IL15RA: variants seen among roughly 807,000 people sequenced by gnomAD.
IL15RA encodes the protein interleukin 15 receptor subunit alpha.
In IL15RA, 26 loss-of-function variants were observed where a neutral mutation model predicts 24.2. The observed-to-expected ratio is 1.07, with a 90% CI of 0.79 to 1.49. The LOEUF (loss-of-function observed/expected upper bound fraction) is 1.49. Among genes scored for constraint, IL15RA ranks in the 40% most tolerant of loss-of-function variants. The probability of loss-of-function intolerance (pLI) is 0.00; values close to 1 mark genes in which losing one functional copy is unlikely to be tolerated. For missense variants in IL15RA, 354 were observed against 356.4 expected, an observed-to-expected ratio of 0.99 and a Z score of 0.05; for synonymous variants, 166 against 157.6, an observed-to-expected ratio of 1.05 and a Z score of -0.40.
At chr10:5,956,310 C>T (rs756423497) in intron 6 of IL15RA, 69 bp downstream of exon 6, 37 of 1,296,190 alleles carry the variant, frequency 2.9e-5, no homozygotes, top group Middle Eastern at 1.8e-4. Context: ...CTACCGCGCC[C>T]GGCCAGGTGC....
chr10:5,966,881 A>G lies in IL15RA; in HGVS notation c.89-542T>C, dbSNP rs1245783937. The stretch of plus-strand genomic sequence containing the variant: ...CAGCTACTGGGGAGGCTGAGGCAGG[A>G]GAATTGCTTGAACCTGGGAGGCAGA... On this transcript the variant is annotated intron_variant, in intron 1 of 6. Coordinates refer to ENST00000379977, the MANE Select transcript of IL15RA (RefSeq NM_002189.4). The surrounding 1 kb of genome is among the most constrained non-coding windows in gnomAD (Gnocchi z 6.4). Among the ~76,000 whole-genome samples the G allele has an allele frequency of 6.6e-6, 1 of 151,972 alleles. No homozygotes were observed. The highest frequency in any genetic ancestry group is 2.4e-5 in the African/African-American group (1 of 41,400).
chr10:5,957,135 A>G (rs1834655467), intron 5 of IL15RA, among the ~76,000 whole-genome samples: 1 of 144,418 alleles, frequency 6.9e-6, no homozygotes, highest in African/African-American at 2.6e-5. Context: ...AATTTTTTGT[A>G]TTTTCAGTAG....
chr10:5,953,057 C>T lies in IL15RA; in HGVS notation c.*38G>A. ...GTCTTTAGCTAAAGCAGAGAGGCTC[C>T]TTCACTCCGGACTTAGCTGGGCTGG... On this transcript the variant is annotated 3_prime_UTR_variant, in exon 7 of 7. Transcript: ENST00000379977. This position sits in a 1 kb window ranked among gnomAD's most constrained non-coding sequence, Gnocchi z 5.3. 6.9e-7 allele frequency: 1 copy of T among 1,459,838 alleles called. No individual in the cohort carries two copies. Among genetic ancestry groups the T allele is most frequent in the Non-Finnish European group, 9.6e-7 (1 of 1,039,500 alleles). 90.4% of individuals were successfully genotyped at this position (1,459,838 alleles called of 1,614,324 possible).
In IL15RA at chr10:5,955,073, G is replaced by C. The variant is rs1167844385; in HGVS notation, c.692+1306C>G. 6.6e-6 allele frequency among the ~76,000 whole-genome samples: 1 copy of C among 151,190 alleles called. No individual in the cohort carries two copies. Among genetic ancestry groups the C allele is most frequent in the Non-Finnish European group, 1.5e-5 (1 of 67,858 alleles). ...TAGCATTTCATGGAATGTGCATTTT[G>C]TCAAAATTAGGCTCAAAGGGTCACA... On this transcript the variant is annotated intron_variant, in intron 6 of 6. Transcript: ENST00000379977. The surrounding 1 kb of genome is among the most constrained non-coding windows in gnomAD (Gnocchi z 5.3).
At position 5,968,159 on chromosome 10, in the gene IL15RA, T is replaced by C. The variant is rs1276160164; in HGVS notation, c.89-1820A>G. Among the ~76,000 whole-genome samples, 1 of 151,950 alleles carries C rather than the reference T, an allele frequency of 6.6e-6. No individual in the cohort carries two copies. Among genetic ancestry groups the C allele is most frequent in the African/African-American group, 2.4e-5 (1 of 41,308 alleles). ...AGAACCTTAGCACGGAGAGAATTCTTATAAAAATCAACACAAGACAAATAC... is the reference window on the plus strand; with the variant it reads ...AGAACCTTAGCACGGAGAGAATTCTCATAAAAATCAACACAAGACAAATAC... On this transcript the variant is annotated intron_variant, in intron 1 of 6. Transcript: ENST00000379977. This position sits in a 1 kb window ranked among gnomAD's most constrained non-coding sequence, Gnocchi z 5.4.
rs867176870 is a variant in IL15RA, at chr10:5,965,206, G to A, written c.283+939C>T. On this transcript the variant is annotated intron_variant, in intron 2 of 6. Transcript: ENST00000379977. This position sits in a 1 kb window ranked among gnomAD's most constrained non-coding sequence, Gnocchi z 5.8. ...GAGATGGTTTGGCTGCTTCTGGGAC[G>A]TTTATCCAGGTGCAGACAGTTAAAA... Among the ~76,000 whole-genome samples, 1 of 145,842 alleles carries A rather than the reference G, an allele frequency of 6.9e-6. No individual in the cohort carries two copies. Among genetic ancestry groups the A allele is most frequent in the African/African-American group, 2.5e-5 (1 of 39,708 alleles).
intron 5 of IL15RA, among the ~76,000 whole-genome samples, chr10:5,957,876 G>A (rs1006182487): frequency 2.0e-5 from 3 of 152,198 alleles, no homozygotes; most frequent in African/African-American, 4.8e-5. Flanking sequence ...ACAGGCATGA[G>A]CCACAGCGCC....
rs1169255625 is a variant in IL15RA at position 5,975,163 on chromosome 10, CA to C, written c.88+2241del. Among the ~76,000 whole-genome samples the C allele has an allele frequency of 1.3e-5, 2 of 151,720 alleles. No individual in the cohort carries two copies. The highest frequency in any genetic ancestry group is 4.1e-4 in the South Asian group (2 of 4,824). On this transcript the variant is annotated intron_variant, in intron 1 of 6. Coordinates refer to ENST00000379977, the MANE Select transcript of IL15RA (RefSeq NM_002189.4). The surrounding 1 kb of genome is among the most constrained non-coding windows in gnomAD (Gnocchi z 4.8). ...ATAGCAGCTTTCTTTGTAATAGTCC[CA>C]AACTGGAAACAACCCAAATGTCCCT...
Position 5,953,195 on chromosome 10 carries a change from G to C in IL15RA, c.704C>G (p.Pro235Arg), listed in dbSNP as rs147420996. Reference sequence around the variant, plus strand: ...GGCTTCCATTTCAACGCTGGCCAGCGGGGGAGTTTGCCTGCAAAGCAGGTG... The same window carrying C: ...GGCTTCCATTTCAACGCTGGCCAGCCGGGGAGTTTGCCTGCAAAGCAGGTG... ...ACYLKSRQTP[P>R]LASVEMEAME... The change falls in exon 7 of 7, where the codon CCG becomes CGG. Residue 235 changes from proline (P) to arginine (R), a missense_variant. Physicochemically the swap from Pro to Arg is moderately radical, Grantham distance 103. Coordinates refer to ENST00000379977, the MANE Select transcript of IL15RA (RefSeq NM_002189.4). This position sits in a 1 kb window ranked among gnomAD's most constrained non-coding sequence, Gnocchi z 5.3. The C allele has an allele frequency of 6.2e-7, 1 of 1,613,790 alleles. No homozygotes were observed. The highest frequency in any genetic ancestry group is 1.7e-5 in the Admixed American group (1 of 60,014).
upstream of IL15RA, among the ~76,000 whole-genome samples, chr10:5,978,477 T>C (rs1838774197): frequency 6.6e-6 from 1 of 152,244 alleles, no homozygotes; most frequent in South Asian, 2.1e-4. This position sits in a 1 kb window ranked among gnomAD's most constrained non-coding sequence, Gnocchi z 5.2. Flanking sequence ...AACGTGTTTA[T>C]GAGGCTTTTG....
At chr10:5,977,210 G>T (rs1838594365) in intron 1 of IL15RA, 195 bp downstream of exon 1, 3 of 357,140 alleles carry the variant, frequency 8.4e-6, no homozygotes, top group African/African-American at 2.1e-5. Flanking sequence ...CTCTCCCTGC[G>T]ACCCCGGCTC....
At position 5,966,628 on chromosome 10, in the gene IL15RA, T is replaced by C. The variant is rs1188902616; in HGVS notation, c.89-289A>G. Among the ~76,000 whole-genome samples the C allele has an allele frequency of 6.6e-6, 1 of 151,780 alleles. No individual in the cohort carries two copies. The highest frequency in any genetic ancestry group is 1.5e-5 in the Non-Finnish European group (1 of 67,934). On this transcript the variant is annotated intron_variant, in intron 1 of 6. Transcript: ENST00000379977. The surrounding 1 kb of genome is among the most constrained non-coding windows in gnomAD (Gnocchi z 6.4). ...TCATTTCCCACCCCTCTCCAAGCCC[T>C]CAGTCTCTCTTAAAGTCTTCACCCC...
Position 5,968,618 on chromosome 10 carries a change from G to T in IL15RA, c.89-2279C>A, listed in dbSNP as rs1837020622. On this transcript the variant is annotated intron_variant, in intron 1 of 6. Coordinates refer to ENST00000379977, the MANE Select transcript of IL15RA (RefSeq NM_002189.4). This position sits in a 1 kb window ranked among gnomAD's most constrained non-coding sequence, Gnocchi z 5.4. ...CCTGCAGAGCCCCACTGGCTTTGAG[G>T]CCTCTGGTGCTATCTGGTGCTGGAG... 1.7e-6 allele frequency: 1 copy of T among 596,764 alleles called. No homozygotes were observed. The highest frequency in any genetic ancestry group is 2.9e-5 in the Admixed American group (1 of 34,994). 37.0% of individuals were successfully genotyped at this position (596,764 alleles called of 1,614,324 possible). A position where few individuals can be genotyped will look rare whatever the true frequency, so the allele number is the denominator to read the frequency against.
In IL15RA at chr10:5,966,297, A is replaced by G. The variant is rs751919191; in HGVS notation, c.131T>C (p.Ile44Thr). Residue 44 changes from isoleucine to threonine, a missense_variant, in exon 2 of 7, where the codon ATC (isoleucine) becomes ACC (threonine). Physicochemically the swap from Ile to Thr is moderately conservative, Grantham distance 89. Transcript: ENST00000379977. This position sits in a 1 kb window ranked among gnomAD's most constrained non-coding sequence, Gnocchi z 6.4. ...PPPMSVEHAD[I>T]WVKSYSLYSR... The stretch of plus-strand genomic sequence containing the variant: ...GTACAAGCTGTAGCTCTTGACCCAG[A>G]TGTCTGCGTGTTCCACGGACATGGG... The G allele has an allele frequency of 1.4e-5, 22 of 1,613,234 alleles. No individual in the cohort carries two copies. The highest frequency in any genetic ancestry group is 1.7e-5 in the Non-Finnish European group (20 of 1,179,392).
rs147583278 is a variant in IL15RA at position 5,966,413 on chromosome 10, C to T, written c.89-74G>A. Reference sequence around the variant, plus strand: ...AGAGGCGTTCTCCAGGCACACGCAGCGGTAGTCAGTGTCCAGCTTATCCTA... The same window carrying T: ...AGAGGCGTTCTCCAGGCACACGCAGTGGTAGTCAGTGTCCAGCTTATCCTA... On this transcript the variant is annotated intron_variant, in intron 1 of 6. Transcript: ENST00000379977. The surrounding 1 kb of genome is among the most constrained non-coding windows in gnomAD (Gnocchi z 6.4). The T allele has an allele frequency of 4.7e-4, 591 of 1,262,632 alleles. 9 individuals carry two copies. In the East Asian group the frequency reaches 0.011, roughly 23 times the overall value. The allele number at this position is 1,262,632 out of a possible 1,614,324, so 78.2% of individuals were successfully genotyped here.
In IL15RA at chr10:5,964,843, G is replaced by A. The variant is rs749359503; in HGVS notation, c.284-1002C>T. Reference sequence around the variant, plus strand: ...CCACAGATCCTGCTCACCCCGCCACGCTCAGCTTTCCCATTCACTCACTGA... The same window carrying A: ...CCACAGATCCTGCTCACCCCGCCACACTCAGCTTTCCCATTCACTCACTGA... On this transcript the variant is annotated intron_variant, in intron 2 of 6. Transcript: ENST00000379977. This position sits in a 1 kb window ranked among gnomAD's most constrained non-coding sequence, Gnocchi z 5.6. 1.3e-5 allele frequency among the ~76,000 whole-genome samples: 2 copies of A among 152,164 alleles called. No individual in the cohort carries two copies. The highest frequency in any genetic ancestry group is 2.4e-5 in the African/African-American group (1 of 41,438).
chr10:5,952,363 TC>T (rs1221225717), downstream of IL15RA: 1 of 152,798 alleles, frequency 6.5e-6, no homozygotes, highest in Non-Finnish European at 1.5e-5. Flanking sequence ...CCTTGGTGAT[TC>T]TCTTAATGCA....
rs1248977584 is a variant in IL15RA, at chr10:5,959,287, G to T, written c.616+467C>A. Among the ~76,000 whole-genome samples, 4 of 151,626 alleles carry T rather than the reference G, an allele frequency of 2.6e-5. No individual in the cohort carries two copies. The highest frequency in any genetic ancestry group is 5.9e-5 in the Non-Finnish European group (4 of 67,962). On this transcript the variant is annotated intron_variant, in intron 5 of 6. Transcript: ENST00000379977. The surrounding 1 kb of genome is among the most constrained non-coding windows in gnomAD (Gnocchi z 4.1). ...CCCAAACTGCTGGGATTACAGGTGT[G>T]AGCCACCATGCCTGGCCAAGAGTAG...
chr10:5,968,553 G>T lies in IL15RA; in HGVS notation c.89-2214C>A, dbSNP rs1369167064. On this transcript the variant is annotated intron_variant, in intron 1 of 6. Coordinates refer to ENST00000379977, the MANE Select transcript of IL15RA (RefSeq NM_002189.4). The surrounding 1 kb of genome is among the most constrained non-coding windows in gnomAD (Gnocchi z 5.4). The stretch of plus-strand genomic sequence containing the variant: ...GTGAGAGATGGAGTCGATCTCACAA[G>T]TTGTTGAGGTGGATTTGGATGCTGC... 3.6e-6 allele frequency: 2 copies of T among 558,640 alleles called. No individual in the cohort carries two copies. Among genetic ancestry groups the T allele is most frequent in the Non-Finnish European group, 6.4e-6 (2 of 311,876 alleles). 34.6% of individuals were successfully genotyped at this position (558,640 alleles called of 1,614,324 possible).
Sources: allele counts gnomAD v4.1 joint callset (sites outside exome capture counted in the v4.1 genomes callset), GRCh38; gene constraint gnomAD v4.1.1; non-coding constraint Gnocchi (gnomAD v3.1); transcripts MANE v1.5; gene names NCBI Gene and HGNC (gene_info 2026-07-23, HGNC 2026-07-21).